The following PLPPR5 variants were observed in gnomAD, a reference collection of about 807,000 sequenced individuals.
PLPPR5 encodes phospholipid phosphatase related 5, also known as phospholipid phosphatase-related protein type 5.
Under a neutral mutation model 33.9 loss-of-function variants are expected in PLPPR5, and 16 were observed. The ratio of observed to expected loss-of-function variants is 0.47; its 90% CI spans 0.32 to 0.72. PLPPR5 has a LOEUF of 0.72. PLPPR5 is among the 30% of genes least tolerant of loss of function. PLPPR5 has a pLI of 0.03. For synonymous variants in PLPPR5, 163 were observed against 150.3 expected (o/e 1.08, Z -0.62); for missense variants, 301 against 406.7 (o/e 0.74, Z 2.23).
chr1:98,971,491 C>T (rs2100743726), intron 1 of PLPPR5, among the ~76,000 whole-genome samples: 1 of 152,046 alleles, frequency 6.6e-6, no homozygotes, highest in Admixed American at 6.6e-5. Context: ...TTCAGATTAG[C>T]ATTTCCATTT....
At chr1:98,954,771 T>C (rs929512709) in intron 2 of PLPPR5, among the ~76,000 whole-genome samples, 1 of 152,068 alleles carries the variant, frequency 6.6e-6, no homozygotes, top group Non-Finnish European at 1.5e-5. Flanking sequence ...GGAAGAGAAA[T>C]TAAAGAGAAC....
intron 3 of PLPPR5, among the ~76,000 whole-genome samples, chr1:98,940,691 T>C (rs182962842): frequency 4.4e-4 from 67 of 151,966 alleles, no homozygotes; most frequent in Admixed American, 4.3e-3. Context: ...AGGAAGCTTA[T>C]TGGAGATGAT....
chr1:98,965,888 G>A (rs531227886), intron 1 of PLPPR5, among the ~76,000 whole-genome samples: 21 of 152,320 alleles, frequency 1.4e-4, no homozygotes, highest in African/African-American at 4.8e-4. Flanking sequence ...TGTAATCAGT[G>A]TGATAGTATT....
chr1:98,985,157 G>T (rs1427591971), intron 1 of PLPPR5, among the ~76,000 whole-genome samples: 1 of 151,958 alleles, frequency 6.6e-6, no homozygotes, highest in Non-Finnish European at 1.5e-5. Flanking sequence ...TCTAGGTTTG[G>T]TGAAGTCTCC....
chr1:98,907,640 A>C (rs1570686354), intron 5 of PLPPR5, among the ~76,000 whole-genome samples: 1 of 152,212 alleles, frequency 6.6e-6, no homozygotes, highest in Non-Finnish European at 1.5e-5. Flanking sequence ...ATTTTCCTAA[A>C]ATGAATGGGA....
At chr1:98,927,167 C>T (rs1009025344) in intron 3 of PLPPR5, among the ~76,000 whole-genome samples, 1 of 152,216 alleles carries the variant, frequency 6.6e-6, no homozygotes, top group African/African-American at 2.4e-5. Context: ...TGCAGTAACT[C>T]TAGTTTCCAT....
intron 1 of PLPPR5, among the ~76,000 whole-genome samples, chr1:98,976,703 A>G (rs1424604307): frequency 6.6e-6 from 1 of 152,106 alleles, no homozygotes; most frequent in Admixed American, 6.6e-5. Context: ...ACGATAACTT[A>G]TTAATAAAAA....
intron 3 of PLPPR5, 147 bp downstream of exon 3, chr1:98,952,923 G>C: frequency 2.1e-6 from 2 of 932,550 alleles, no homozygotes; most frequent in Non-Finnish European, 3.1e-6. Flanking sequence ...AGTACAAACA[G>C]CTATTATTAA....
In PLPPR5 at chr1:98,941,226, C is replaced by T. The variant is rs140441849; in HGVS notation, c.621+11844G>A. 2.6e-3 allele frequency among the ~76,000 whole-genome samples: 389 copies of T among 151,758 alleles called. 3 individuals carry two copies. Among genetic ancestry groups the T allele is most frequent in the African/African-American group, 8.9e-3 (367 of 41,432 alleles). On this transcript the variant is annotated intron_variant, in intron 3 of 5. Transcript: ENST00000263177. ...ATGAAGCACTTAATGAGAAGAAAAG[C>T]AAATTTGAAGAATATAATGTTTCCA...
chr1:98,938,420 CAAAA>C (rs544492984), intron 3 of PLPPR5, among the ~76,000 whole-genome samples: 2 of 80,758 alleles, frequency 2.5e-5, no homozygotes, highest in Admixed American at 1.2e-4. Context: ...AAGATCGTCT[CAAAA>C]AAAAAAAAAA....
chr1:98,997,055 TAAATGGTTTACCTCATTCATTCAACAA>T (rs1387155920), intron 1 of PLPPR5, among the ~76,000 whole-genome samples: 1 of 152,114 alleles, frequency 6.6e-6, no homozygotes, highest in Non-Finnish European at 1.5e-5. Flanking sequence ...GATTAAAGAG[TAAATGGTTTACCTCATTCATTCAACAA>T]AAATGATTAA....
chr1:98,993,605 T>G (rs1239131260), intron 1 of PLPPR5, among the ~76,000 whole-genome samples: 1 of 152,124 alleles, frequency 6.6e-6, no homozygotes, highest in Admixed American at 6.6e-5. Flanking sequence ...TAGTATTTTT[T>G]TAATTGGAAA....
At chr1:98,996,364 A>G (rs926232761) in intron 1 of PLPPR5, among the ~76,000 whole-genome samples, 3 of 152,088 alleles carry the variant, frequency 2.0e-5, no homozygotes. Flanking sequence ...CAGAGTTTCA[A>G]ATGTACCTGG....
intron 1 of PLPPR5, among the ~76,000 whole-genome samples, chr1:98,960,299 G>A (rs1651190016): frequency 6.6e-6 from 1 of 151,964 alleles, no homozygotes; most frequent in African/African-American, 2.4e-5. Flanking sequence ...CTCCTTCCAG[G>A]TTCAAGCAAT....
chr1:98,956,137 A>G (rs184181143), intron 2 of PLPPR5, among the ~76,000 whole-genome samples: 2 of 152,206 alleles, frequency 1.3e-5, no homozygotes, highest in East Asian at 3.9e-4. Context: ...ATGTTCGACA[A>G]CCTACCTGGA....
chr1:98,988,562 G>T (rs751303127), intron 1 of PLPPR5, among the ~76,000 whole-genome samples: 3 of 152,032 alleles, frequency 2.0e-5, no homozygotes, highest in Non-Finnish European at 2.9e-5. Flanking sequence ...CTGAAGCCCT[G>T]TAAGCTAAAA....
At chr1:98,964,384 T>C (rs1307913444) in intron 1 of PLPPR5, among the ~76,000 whole-genome samples, 1 of 152,118 alleles carries the variant, frequency 6.6e-6, no homozygotes, top group Non-Finnish European at 1.5e-5. Flanking sequence ...AGGACACCTG[T>C]GGTCCCAGTG....
chr1:98,966,148 A>C (rs1651444127), intron 1 of PLPPR5, among the ~76,000 whole-genome samples: 1 of 152,208 alleles, frequency 6.6e-6, no homozygotes, highest in South Asian at 2.1e-4. Flanking sequence ...TTTTAAAACA[A>C]TGTAGGCTTT....
intron 1 of PLPPR5, among the ~76,000 whole-genome samples, chr1:98,984,114 G>A (rs925092309): frequency 1.3e-5 from 2 of 151,958 alleles, no homozygotes; most frequent in Non-Finnish European, 2.9e-5. Context: ...AACTTGACTG[G>A]TGGGCTCAGT....
Sources: gnomAD v4.1 joint callset for allele counts (sites outside exome capture counted in the v4.1 genomes callset) on GRCh38, gnomAD v4.1.1 for gene constraint, MANE v1.5 for transcripts, NCBI Gene and HGNC (gene_info 2026-07-23, HGNC 2026-07-21) for gene names.